The following NRP1 variants were observed in gnomAD, a reference collection of about 807,000 sequenced individuals.
The protein encoded by NRP1 is neuropilin 1.
A neutral mutation model predicts 106.7 loss-of-function variants in NRP1; 35 were observed. The ratio of observed to expected loss-of-function variants is 0.33; its 90% confidence interval spans 0.25 to 0.43. The LOEUF (loss-of-function observed/expected upper bound fraction) is 0.43. NRP1 is among the 20% of genes least tolerant of loss of function. The pLI is 1.00. For missense variants in NRP1, 1,024 were observed against 1,170.4 expected (o/e 0.87, Z 1.83); for synonymous variants, 437 against 417.9 (o/e 1.05, Z -0.56).
At chr10:33,192,573 A>G (rs976658465) in intron 12 of NRP1, among the ~76,000 whole-genome samples, 155 bp from the exon 13 acceptor site, 1 of 152,180 alleles carries the variant, frequency 6.6e-6, no homozygotes, top group African/African-American at 2.4e-5. Flanking sequence ...TTACCAAGAA[A>G]CCAAAAGATG....
At chr10:33,333,476 C>A (rs1292185203) in intron 1 of NRP1, among the ~76,000 whole-genome samples, 1 of 152,162 alleles carries the variant, frequency 6.6e-6, no homozygotes, top group Non-Finnish European at 1.5e-5. Flanking sequence ...TGATTGAAAT[C>A]TAAGCCAGAC....
intron 2 of NRP1, among the ~76,000 whole-genome samples, chr10:33,289,446 GA>G (rs1195877654): frequency 6.6e-6 from 1 of 152,152 alleles, no homozygotes; most frequent in Non-Finnish European, 1.5e-5. Context: ...CAGGTGGAGT[GA>G]TAACTCTAAT....
intron 4 of NRP1, among the ~76,000 whole-genome samples, chr10:33,262,569 G>T (rs1357026263): frequency 6.6e-6 from 1 of 151,908 alleles, no homozygotes; most frequent in Non-Finnish European, 1.5e-5. Flanking sequence ...TGAGTGTGGT[G>T]GTGTGCACCT....
intron 6 of NRP1, among the ~76,000 whole-genome samples, chr10:33,247,196 A>G (rs1841488784): frequency 6.6e-6 from 1 of 152,228 alleles, no homozygotes; most frequent in Non-Finnish European, 1.5e-5. Context: ...TTCAAATTGA[A>G]TATGTCAGCA....
At chr10:33,241,399 GA>G (rs1163277571) in intron 6 of NRP1, among the ~76,000 whole-genome samples, 2 of 152,094 alleles carry the variant, frequency 1.3e-5, no homozygotes, top group Non-Finnish European at 2.9e-5. Context: ...TCACCCAATG[GA>G]AAAAATGCAT....
At chr10:33,274,378 A>G (rs1272111824) in intron 2 of NRP1, among the ~76,000 whole-genome samples, 1 of 152,234 alleles carries the variant, frequency 6.6e-6, no homozygotes, top group Non-Finnish European at 1.5e-5. Context: ...GTGCTCAAAG[A>G]ATAAAGATTT....
intron 8 of NRP1, 34 bp from the exon 9 acceptor site, chr10:33,213,751 G>T: frequency 6.8e-7 from 1 of 1,476,014 alleles, no homozygotes; most frequent in South Asian, 1.3e-5. Flanking sequence ...AATGTAAAAT[G>T]ATTTCCTGGG....
intron 8 of NRP1, among the ~76,000 whole-genome samples, chr10:33,216,955 C>G (rs1249916487): frequency 6.6e-6 from 1 of 152,124 alleles, no homozygotes; most frequent in Non-Finnish European, 1.5e-5. Context: ...ATTGCCCTTT[C>G]CTGTAACTTA....
intron 2 of NRP1, among the ~76,000 whole-genome samples, chr10:33,274,482 G>A (rs1327932236): frequency 6.6e-6 from 1 of 152,196 alleles, no homozygotes; most frequent in Non-Finnish European, 1.5e-5. Context: ...CAAGTAAGGG[G>A]AAAGTGATGG....
chr10:33,190,790 GTA>G (rs1195279670), intron 13 of NRP1, among the ~76,000 whole-genome samples: 5 of 152,206 alleles, frequency 3.3e-5, no homozygotes, highest in Non-Finnish European at 4.4e-5. Flanking sequence ...GTGTGTGTGT[GTA>G]TGTGTGTGTG....
At chr10:33,324,313 C>T (rs1847736337) in intron 2 of NRP1, among the ~76,000 whole-genome samples, 1 of 152,158 alleles carries the variant, frequency 6.6e-6, no homozygotes, top group South Asian at 2.1e-4. Context: ...TTCATTCTTC[C>T]ACCAATAGTT....
chr10:33,232,818 T>C (rs74359262), intron 6 of NRP1, among the ~76,000 whole-genome samples: 1 of 147,302 alleles, frequency 6.8e-6, no homozygotes, highest in East Asian at 2.1e-4. Flanking sequence ...AATTTTTGTA[T>C]TTTTTTTTTA....
At chr10:33,235,764 G>A (rs1400845373) in intron 6 of NRP1, among the ~76,000 whole-genome samples, 1 of 152,190 alleles carries the variant, frequency 6.6e-6, no homozygotes, top group East Asian at 1.9e-4. Context: ...TGAAATACAA[G>A]TAATCAACAT....
intron 2 of NRP1, among the ~76,000 whole-genome samples, chr10:33,295,773 G>A (rs571415920): frequency 6.6e-6 from 1 of 152,264 alleles, no homozygotes; most frequent in Non-Finnish European, 1.5e-5. Flanking sequence ...CATTTGGCCT[G>A]TTAGTAGATA....
chr10:33,301,050 T>C (rs1004270084), intron 2 of NRP1, among the ~76,000 whole-genome samples: 3 of 152,148 alleles, frequency 2.0e-5, no homozygotes, highest in African/African-American at 7.2e-5. Context: ...GCTGCCCCAT[T>C]CTCTCCTCCA....
intron 4 of NRP1, among the ~76,000 whole-genome samples, chr10:33,258,115 C>A (rs1319526351): frequency 6.6e-6 from 1 of 152,204 alleles, no homozygotes; most frequent in Non-Finnish European, 1.5e-5. Context: ...GTGAACCCCA[C>A]AAGAACTGGT....
intron 6 of NRP1, among the ~76,000 whole-genome samples, chr10:33,242,282 G>A (rs964450734): frequency 2.6e-5 from 4 of 152,136 alleles, no homozygotes; most frequent in Middle Eastern, 3.2e-3. Context: ...TTTTCTTTAC[G>A]TGGTAAATGA....
At chr10:33,250,836 T>C (rs1282115502) in intron 6 of NRP1, among the ~76,000 whole-genome samples, 1 of 152,190 alleles carries the variant, frequency 6.6e-6, no homozygotes, top group Non-Finnish European at 1.5e-5. Flanking sequence ...ATTAGTGTCG[T>C]ATGAGTAGGA....
chr10:33,253,951 C>T, intron 6 of NRP1, 77 bp downstream of exon 6: 1 of 1,383,044 alleles, frequency 7.2e-7, no homozygotes, highest in Non-Finnish European at 9.8e-7. Context: ...TGGCACAGTA[C>T]CACTTTCTTT....
Sources: gnomAD v4.1 joint callset for allele counts (sites outside exome capture counted in the v4.1 genomes callset) on GRCh38, gnomAD v4.1.1 for gene constraint, MANE v1.5 for transcripts, NCBI Gene and HGNC (gene_info 2026-07-23, HGNC 2026-07-21) for gene names.